GAL3ST2: variants seen among roughly 807,000 people sequenced by gnomAD.
The protein encoded by GAL3ST2 is beta-galactose-3-O-sulfotransferase 2.
GAL3ST2 carries 16 observed loss-of-function variants against 12.9 expected under a neutral mutation model. The observed-to-expected ratio is 1.24, with a 90% CI of 0.84 to 1.88. The LOEUF is 1.88. GAL3ST2 is among the 40% of genes most tolerant of loss of function. The pLI is 0.00. For synonymous variants in GAL3ST2, 302 were observed against 273.9 expected, an observed-to-expected ratio of 1.10 and a Z score of -1.01; for missense variants, 639 against 571.8, an observed-to-expected ratio of 1.12 and a Z score of -1.20.
intron 1 of GAL3ST2, among the ~76,000 whole-genome samples, chr2:241,782,611 C>T (rs886360795): frequency 1.3e-5 from 2 of 152,122 alleles, no homozygotes; most frequent in Admixed American, 1.3e-4. Context: ...CAGGTGTGTA[C>T]CACCATGCCT....
rs1339799602 is a variant in GAL3ST2 at position 241,776,878 on chromosome 2, G to A, written c.-78G>A. ...GTGCCTGCACCCTGGGGAGCCCAGA[G>A]CCGGCAGGGGCCGAGGCGGTGGGAC... On this transcript the variant is annotated 5_prime_UTR_variant, in exon 1 of 4. Transcript: ENST00000192314. The A allele has an allele frequency of 7.7e-7, 1 of 1,294,306 alleles. No homozygotes were observed. Among genetic ancestry groups the A allele is most frequent in the Non-Finnish European group, 1.0e-6 (1 of 988,092 alleles). 80.2% of individuals were successfully genotyped at this position (1,294,306 alleles called of 1,614,324 possible). A position where few individuals can be genotyped will look rare whatever the true frequency, so the allele number is the denominator to read the frequency against.
At position 241,801,884 on chromosome 2, in the gene GAL3ST2, G is replaced by A; in HGVS notation, c.223G>A (p.Ala75Thr). ...GGTGCTCAACATCCTCTACCGCTTC[G>A]CCGAGACCCACAACCTGTCCGTGGC... Reference protein sequence around the residue: ...STVLNILYRFAETHNLSVALP... With the variant: ...STVLNILYRFTETHNLSVALP... The change falls in exon 3 of 4, where the codon GCC (alanine) becomes ACC (threonine). Residue 75 changes from alanine to threonine, a missense_variant. By Grantham distance (58) the Ala-to-Thr change is moderately conservative (BLOSUM62 0). Transcript: ENST00000192314. This position sits in a 1 kb window ranked among gnomAD's most constrained non-coding sequence, Gnocchi z 4.4. 2.5e-6 allele frequency: 4 copies of A among 1,612,992 alleles called. No individual in the cohort carries two copies. Among genetic ancestry groups the A allele is most frequent in the Non-Finnish European group, 2.5e-6 (3 of 1,179,954 alleles).
In GAL3ST2 at chr2:241,801,334, TGCCACATTTTCTTTA is replaced by T; in HGVS notation, c.120-446_120-432del. 1 of 189,490 alleles carries T rather than the reference TGCCACATTTTCTTTA, an allele frequency of 5.3e-6. No individual in the cohort carries two copies. The highest frequency in any genetic ancestry group is 1.3e-4 in the South Asian group (1 of 7,850). The allele number at this position is 189,490 out of a possible 1,614,324, so 11.7% of individuals were successfully genotyped here. On this transcript the variant is annotated intron_variant, in intron 2 of 3. Coordinates refer to ENST00000192314, the MANE Select transcript of GAL3ST2 (RefSeq NM_022134.3). This position sits in a 1 kb window ranked among gnomAD's most constrained non-coding sequence, Gnocchi z 4.4. ...TGCACAGTATTCCGTGGTGTAGATGTGCCACATTTTCTTTACGGTCTCTATGTAACATTCACACCC... is the reference window on the plus strand; with the variant it reads ...TGCACAGTATTCCGTGGTGTAGATGTCGGTCTCTATGTAACATTCACACCC...
In GAL3ST2 at chr2:241,800,077, G is replaced by A. The variant is rs78521333; in HGVS notation, c.119+923G>A. ...GCACCAGGGAGAAGGCTGGGGTGAT[G>A]TGTGGGCCAGAGTGTGTAGCCCCCG... On this transcript the variant is annotated intron_variant, in intron 2 of 3. Transcript: ENST00000192314. This position sits in a 1 kb window ranked among gnomAD's most constrained non-coding sequence, Gnocchi z 5.2. 3.5e-3 allele frequency among the ~76,000 whole-genome samples: 526 copies of A among 152,378 alleles called. 1 individual carries two copies. The highest frequency in any genetic ancestry group is 0.012 in the African/African-American group (498 of 41,600).
Position 241,801,665 on chromosome 2 carries a change from T to C in GAL3ST2, c.120-116T>C. ...ACCCAGTTGGCCCCCTGGCCTAGAG[T>C]TGGGGGGCTCAGGTTGGGAGGTCTC... On this transcript the variant is annotated intron_variant, in intron 2 of 3. Transcript: ENST00000192314. This position sits in a 1 kb window ranked among gnomAD's most constrained non-coding sequence, Gnocchi z 4.4. 1.5e-6 allele frequency: 2 copies of C among 1,369,470 alleles called. No individual in the cohort carries two copies. Among genetic ancestry groups the C allele is most frequent in the Non-Finnish European group, 2.0e-6 (2 of 1,023,646 alleles). The allele number at this position is 1,369,470 out of a possible 1,614,324, so 84.8% of individuals were successfully genotyped here.
Position 241,803,931 on chromosome 2 carries a change from G to A in GAL3ST2, c.962G>A (p.Cys321Tyr), listed in dbSNP as rs1252814383. The A allele has an allele frequency of 6.2e-6, 9 of 1,443,338 alleles. No individual in the cohort carries two copies. The highest frequency in any genetic ancestry group is 8.2e-6 in the Non-Finnish European group (9 of 1,103,008). The allele number at this position is 1,443,338 out of a possible 1,614,324, so 89.4% of individuals were successfully genotyped here. A position where few individuals can be genotyped will look rare whatever the true frequency, so the allele number is the denominator to read the frequency against. The change falls in exon 4 of 4, where the codon TGC (cysteine) becomes TAC (tyrosine). Residue 321 changes from cysteine to tyrosine, a missense_variant. Transcript: ENST00000192314. ...RARRRELASL[C>Y]LQDGGALKNH... ...CGGAGGCGCGAACTCGCGAGCCTGT[G>A]CCTGCAGGACGGCGGCGCGCTCAAG...
At chr2:241,784,966 T>G (rs1699611112) in intron 1 of GAL3ST2, among the ~76,000 whole-genome samples, 1 of 152,172 alleles carries the variant, frequency 6.6e-6, no homozygotes, top group Non-Finnish European at 1.5e-5. Flanking sequence ...ATTATAAAAA[T>G]CTACCATTGG....
Position 241,793,960 on chromosome 2 carries a change from T to G in GAL3ST2, c.30-5105T>G, listed in dbSNP as rs1402731282. The stretch of plus-strand genomic sequence containing the variant: ...GGTTTTGTTGTTGTTGTTTGTTTAT[T>G]TTTTGAGACAGAGACTGGCTCTGTG... On this transcript the variant is annotated intron_variant, in intron 1 of 3. Transcript: ENST00000192314. The surrounding 1 kb of genome is among the most constrained non-coding windows in gnomAD (Gnocchi z 4.7). 6.6e-6 allele frequency among the ~76,000 whole-genome samples: 1 copy of G among 152,138 alleles called. No individual in the cohort carries two copies.
In GAL3ST2 at chr2:241,803,522, A is replaced by T. The variant is rs542497377; in HGVS notation, c.553A>T (p.Arg185Trp). The T allele has an allele frequency of 6.2e-7, 1 of 1,610,548 alleles. No individual in the cohort carries two copies. Among genetic ancestry groups the T allele is most frequent in the African/African-American group, 1.3e-5 (1 of 75,016 alleles). ...RTFYNDSRHLRNVYAKNNMWF... is the reference protein window; with the variant it reads ...RTFYNDSRHLWNVYAKNNMWF... ...GTTCTACAACGACAGCCGCCACCTC[A>T]GGAACGTCTACGCCAAGAACAACAT... Residue 185 changes from arginine (R) to tryptophan (W), a missense_variant, in exon 4 of 4, where the codon AGG (arginine) becomes TGG (tryptophan). Arg to Trp is a moderately radical substitution (Grantham distance 101). Coordinates refer to ENST00000192314, the MANE Select transcript of GAL3ST2 (RefSeq NM_022134.3).
At chr2:241,787,190 G>A (rs1050067677) in intron 1 of GAL3ST2, among the ~76,000 whole-genome samples, 19 of 152,006 alleles carry the variant, frequency 1.2e-4, no homozygotes, top group Admixed American at 2.0e-4. Context: ...GTCTCATGTC[G>A]CCCTACAATG....
chr2:241,799,087 C>A lies in GAL3ST2; in HGVS notation c.52C>A (p.Leu18Ile). Residue 18 changes from leucine to isoleucine, a missense_variant, in exon 2 of 4, where the codon CTC becomes ATC. Coordinates refer to ENST00000192314, the MANE Select transcript of GAL3ST2 (RefSeq NM_022134.3). Reference sequence around the variant, plus strand: ...CAGATACTTCCGGGTCATCCTCCTCCTCCTCCTGGCCCTGACTCTGCTCCT... The same window carrying A: ...CAGATACTTCCGGGTCATCCTCCTCATCCTCCTGGCCCTGACTCTGCTCCT... Reference protein sequence around the residue: ...LQRYFRVILLLLLALTLLLLA... With the variant: ...LQRYFRVILLILLALTLLLLA... 6.2e-7 allele frequency: 1 copy of A among 1,613,678 alleles called. No homozygotes were observed. Among genetic ancestry groups the A allele is most frequent in the Non-Finnish European group, 8.5e-7 (1 of 1,180,006 alleles).
chr2:241,785,766 A>C (rs1699620000), intron 1 of GAL3ST2, among the ~76,000 whole-genome samples: 1 of 152,284 alleles, frequency 6.6e-6, no homozygotes, highest in Non-Finnish European at 1.5e-5. Flanking sequence ...CAACTGAGAA[A>C]AAACAAAAAA....
chr2:241,788,275 A>G (rs1043185486), intron 1 of GAL3ST2, among the ~76,000 whole-genome samples: 9 of 152,306 alleles, frequency 5.9e-5, no homozygotes, highest in South Asian at 2.1e-4. Flanking sequence ...GGGGGGTACC[A>G]TAGATGACCT....
intron 1 of GAL3ST2, among the ~76,000 whole-genome samples, chr2:241,778,323 C>G (rs1426797256): frequency 6.6e-6 from 1 of 152,256 alleles, no homozygotes; most frequent in Admixed American, 6.5e-5. Flanking sequence ...CTGGGTGATT[C>G]AAGGAGCTGC....
chr2:241,777,859 AGGGCCCCCCTGGCTGCCCTG>A (rs896784052), intron 1 of GAL3ST2, among the ~76,000 whole-genome samples: 2 of 152,094 alleles, frequency 1.3e-5, no homozygotes, highest in Admixed American at 6.5e-5. Flanking sequence ...TGGCCAAGCT[AGGGCCCCCCTGGCTGCCCTG>A]GGGCCCCCCG....
chr2:241,777,149 C>T (rs191084746), intron 1 of GAL3ST2, among the ~76,000 whole-genome samples, 165 bp downstream of exon 1: 11 of 152,340 alleles, frequency 7.2e-5, no homozygotes, highest in Non-Finnish European at 1.0e-4. Flanking sequence ...GGCTTCGTTT[C>T]GGAAGTAGGG....
In GAL3ST2 at chr2:241,795,869, C is replaced by T. The variant is rs1325104208; in HGVS notation, c.30-3196C>T. ...CTGGGAATTCTAGTGTTTACTGGGC[C>T]TTGGCCGCTGGGAGCCTCTTCAAGG... is the stretch of plus-strand genomic sequence containing the variant. On this transcript the variant is annotated intron_variant, in intron 1 of 3. Transcript: ENST00000192314. The surrounding 1 kb of genome is among the most constrained non-coding windows in gnomAD (Gnocchi z 4.5). Among the ~76,000 whole-genome samples, 4 of 152,256 alleles carry T rather than the reference C, an allele frequency of 2.6e-5. No individual in the cohort carries two copies. Among genetic ancestry groups the T allele is most frequent in the African/African-American group, 9.6e-5 (4 of 41,462 alleles).
intron 1 of GAL3ST2, among the ~76,000 whole-genome samples, chr2:241,794,744 A>C (rs1699750184): frequency 6.6e-6 from 1 of 152,196 alleles, no homozygotes; most frequent in African/African-American, 2.4e-5. Flanking sequence ...GAGTCCCATA[A>C]GGCAGCTTTA....
rs1699862408 is a variant in GAL3ST2 at position 241,802,224 on chromosome 2, CGCCTGCCGTTGCT to C, written c.375+189_375+201del. On this transcript the variant is annotated intron_variant, in intron 3 of 3. Coordinates refer to ENST00000192314, the MANE Select transcript of GAL3ST2 (RefSeq NM_022134.3). The surrounding 1 kb of genome is among the most constrained non-coding windows in gnomAD (Gnocchi z 4.8). ...ACCCCTGCCCCTCCAGGCGGCCAGTCGCCTGCCGTTGCTCTTGGAATGAGACCTGGGAGCCCCA... is the reference window on the plus strand; with the variant it reads ...ACCCCTGCCCCTCCAGGCGGCCAGTCCTTGGAATGAGACCTGGGAGCCCCA... Among the ~76,000 whole-genome samples the C allele has an allele frequency of 3.3e-5, 5 of 152,160 alleles. No individual in the cohort carries two copies. Among genetic ancestry groups the C allele is most frequent in the Admixed American group, 2.0e-4 (3 of 15,278 alleles).
Sources: allele counts gnomAD v4.1 joint callset (sites outside exome capture counted in the v4.1 genomes callset), GRCh38; gene constraint gnomAD v4.1.1; non-coding constraint Gnocchi (gnomAD v3.1); transcripts MANE v1.5; gene names NCBI Gene and HGNC (gene_info 2026-07-23, HGNC 2026-07-21).